The following PRRX1 variants were observed in gnomAD, a reference collection of about 807,000 sequenced individuals.
PRRX1 encodes the protein paired related homeobox 1, also known as paired mesoderm homeobox protein 1.
PRRX1 carries 8 observed loss-of-function variants against 24.0 expected under a neutral mutation model. The ratio of observed to expected loss-of-function variants is 0.33; its 90% confidence interval spans 0.20 to 0.60. PRRX1 has a LOEUF of 0.60. PRRX1 is among the 20% of genes least tolerant of loss of function. PRRX1 has a pLI of 0.82. For synonymous variants in PRRX1, 160 were observed against 131.7 expected, an observed-to-expected ratio of 1.22 and a Z score of -1.47; for missense variants, 281 against 322.4, an observed-to-expected ratio of 0.87 and a Z score of 0.98.
At position 170,687,508 on chromosome 1, in the gene PRRX1, C is replaced by T. The variant is rs181809824; in HGVS notation, c.241+23049C>T. Among the ~76,000 whole-genome samples the T allele has an allele frequency of 2.3e-3, 352 of 152,292 alleles. 1 individual carries two copies. The highest frequency in any genetic ancestry group is 4.0e-3 in the Non-Finnish European group (273 of 68,024). ...GGCTAAGAACATGGACTTGATATAG[C>T]GCCCTTCTCCCGTCACTTAATTGTT... is the stretch of plus-strand genomic sequence containing the variant. On this transcript the variant is annotated intron_variant, in intron 1 of 3. Coordinates refer to ENST00000239461, the MANE Select transcript of PRRX1 (RefSeq NM_022716.4).
At chr1:170,666,717 C>A (rs891379394) in intron 1 of PRRX1, among the ~76,000 whole-genome samples, 2 of 152,144 alleles carry the variant, frequency 1.3e-5, no homozygotes, top group Non-Finnish European at 2.9e-5. Flanking sequence ...GGGAACAAGC[C>A]AGCCGTGGTG....
rs1207300126 is a variant in PRRX1, at chr1:170,739,187, C to T, written c.*3001C>T. On this transcript the variant is annotated 3_prime_UTR_variant, in exon 4 of 4. Coordinates refer to ENST00000239461, the MANE Select transcript of PRRX1 (RefSeq NM_022716.4). Reference sequence around the variant, plus strand: ...GGAACTATCTGCCTGTGTCCTCAATCTCCCTTCAAACAAGATGCTGATTTG... The same window carrying T: ...GGAACTATCTGCCTGTGTCCTCAATTTCCCTTCAAACAAGATGCTGATTTG... 4.8e-6 allele frequency: 1 copy of T among 206,282 alleles called. No homozygotes were observed. Among genetic ancestry groups the T allele is most frequent in the Admixed American group, 5.9e-5 (1 of 16,854 alleles). 12.8% of individuals were successfully genotyped at this position (206,282 alleles called of 1,614,324 possible). A position where few individuals can be genotyped will look rare whatever the true frequency, so the allele number is the denominator to read the frequency against.
At chr1:170,693,553 G>T (rs1404125463) in intron 1 of PRRX1, among the ~76,000 whole-genome samples, 1 of 151,990 alleles carries the variant, frequency 6.6e-6, no homozygotes, top group Non-Finnish European at 1.5e-5. Context: ...CTATCCACCA[G>T]CCCCCACTAA....
At chr1:170,726,625 T>A in intron 3 of PRRX1, 1 of 537,998 alleles carries the variant, frequency 1.9e-6, no homozygotes, top group Non-Finnish European at 3.3e-6. Flanking sequence ...ACCAATCTCC[T>A]CTTGGACTCA....
chr1:170,666,234 C>G (rs546334182), intron 1 of PRRX1, among the ~76,000 whole-genome samples: 1 of 151,888 alleles, frequency 6.6e-6, no homozygotes, highest in Non-Finnish European at 1.5e-5. Flanking sequence ...GCCTAACCAA[C>G]GTGGTGAAAC....
intron 1 of PRRX1, among the ~76,000 whole-genome samples, chr1:170,681,494 C>CAAAA (rs35891147): frequency 0.073 from 10,433 of 143,664 alleles, 539 homozygotes; most frequent in African/African-American, 0.14. Context: ...GTTATCTTTG[C>CAAAA]AAAAAAAAAA....
At chr1:170,695,976 T>A (rs1242023782) in intron 1 of PRRX1, among the ~76,000 whole-genome samples, 4 of 152,302 alleles carry the variant, frequency 2.6e-5, no homozygotes, top group African/African-American at 7.2e-5. Context: ...TAAAACATGC[T>A]TTTCTCTACA....
Position 170,709,190 on chromosome 1 carries a change from G to A in PRRX1, c.242-10536G>A, listed in dbSNP as rs1654667299. Among the ~76,000 whole-genome samples the A allele has an allele frequency of 3.3e-5, 5 of 152,192 alleles. No homozygotes were observed. The South Asian group carries it at 1.0e-3, about 32-fold the overall frequency. The stretch of plus-strand genomic sequence containing the variant: ...GTTAAGATGCTGGATGAAGAATAGT[G>A]AGAAGACTACTTCTGGTTGTTGATC... On this transcript the variant is annotated intron_variant, in intron 1 of 3. Transcript: ENST00000239461.
At chr1:170,679,057 C>T (rs936126906) in intron 1 of PRRX1, among the ~76,000 whole-genome samples, 2 of 152,158 alleles carry the variant, frequency 1.3e-5, no homozygotes, top group Admixed American at 1.3e-4. Flanking sequence ...TAATATTTTC[C>T]TCGTGACATC....
upstream of PRRX1, chr1:170,664,087 C>CT (rs1158665622): frequency 9.2e-5 from 79 of 860,552 alleles, no homozygotes; most frequent in African/African-American, 4.7e-4. Context: ...CCCTCTTCCT[C>CT]CCTCTCTCTC....
chr1:170,725,415 T>C (rs1439955965), intron 2 of PRRX1, among the ~76,000 whole-genome samples: 2 of 152,220 alleles, frequency 1.3e-5, no homozygotes, highest in Non-Finnish European at 2.9e-5. Flanking sequence ...CAACTTTCAG[T>C]GCCTGCATTT....
intron 1 of PRRX1, among the ~76,000 whole-genome samples, chr1:170,712,321 G>A (rs1654777898): frequency 6.6e-6 from 1 of 152,070 alleles, no homozygotes; most frequent in African/African-American, 2.4e-5. Flanking sequence ...ATATATCCTT[G>A]TGCAATTTTG....
At chr1:170,672,726 A>T (rs1405293483) in intron 1 of PRRX1, among the ~76,000 whole-genome samples, 1 of 152,228 alleles carries the variant, frequency 6.6e-6, no homozygotes, top group African/African-American at 2.4e-5. Flanking sequence ...AAAGTGTAAG[A>T]CCTAGCCAGC....
intron 1 of PRRX1, among the ~76,000 whole-genome samples, chr1:170,692,747 A>T (rs972767404): frequency 5.9e-5 from 9 of 151,366 alleles, no homozygotes; most frequent in South Asian, 4.2e-4. Context: ...TCTCTCACAC[A>T]CACACACACA....
intron 1 of PRRX1, among the ~76,000 whole-genome samples, chr1:170,675,070 T>G (rs1036824903): frequency 1.3e-5 from 2 of 152,206 alleles, no homozygotes; most frequent in African/African-American, 4.8e-5. Context: ...CTTGCTCTGA[T>G]CAGAAAAATT....
intron 1 of PRRX1, among the ~76,000 whole-genome samples, chr1:170,690,517 T>A (rs1477546610): frequency 6.6e-6 from 1 of 152,062 alleles, no homozygotes; most frequent in Non-Finnish European, 1.5e-5. Flanking sequence ...GTCAGTTGGA[T>A]CTTAGCATTT....
rs141974524 is a variant in PRRX1, at chr1:170,697,209, G to A, written c.242-22517G>A. On this transcript the variant is annotated intron_variant, in intron 1 of 3. Transcript: ENST00000239461. ...GCGCAGAGGCCTAGGAGTAAGATAA[G>A]CCATGTCTTTCTTAGCTTTGGCTGT... is the stretch of plus-strand genomic sequence containing the variant. Among the ~76,000 whole-genome samples, 1,373 of 152,244 alleles carry A rather than the reference G, an allele frequency of 9.0e-3. 12 individuals carry two copies. Among genetic ancestry groups the A allele is most frequent in the Non-Finnish European group, 0.014 (963 of 68,014 alleles).
intron 1 of PRRX1, among the ~76,000 whole-genome samples, chr1:170,710,664 C>G (rs1297994283): frequency 6.6e-6 from 1 of 152,082 alleles, no homozygotes; most frequent in Non-Finnish European, 1.5e-5. Context: ...GGAAGTAAGA[C>G]CTTTGAAAGG....
At chr1:170,664,073 CCCTCCCTCTT>C (rs1652820623), upstream of PRRX1, 1 of 788,296 alleles carries the variant, frequency 1.3e-6, no homozygotes, top group Non-Finnish European at 1.9e-6. Context: ...TCCTCTCCTT[CCCTCCCTCTT>C]CCTCCCTCTC....
Sources: allele counts gnomAD v4.1 joint callset (sites outside exome capture counted in the v4.1 genomes callset), GRCh38; gene constraint gnomAD v4.1.1; transcripts MANE v1.5; gene names NCBI Gene and HGNC (gene_info 2026-07-23, HGNC 2026-07-21).